TENM4: variants seen among roughly 807,000 people sequenced by gnomAD.
TENM4 encodes teneurin transmembrane protein 4, also known as teneurin-4.
A neutral mutation model predicts 243.3 loss-of-function variants in TENM4; 82 were observed. The ratio of observed to expected loss-of-function variants is 0.34; its 90% CI spans 0.28 to 0.40. The LOEUF is 0.40. Among genes scored for constraint, TENM4 ranks in the 10% least tolerant of loss-of-function variants. The probability of loss-of-function intolerance (pLI) is 1.00; values close to 1 mark genes in which losing one functional copy is unlikely to be tolerated. For missense variants in TENM4, 3,138 were observed against 3,673.3 expected, an observed-to-expected ratio of 0.85 and a Z score of 3.77; for synonymous variants, 1,412 against 1,456.3, an observed-to-expected ratio of 0.97 and a Z score of 0.69.
At chr11:79,343,690 A>G (rs1203212788) in intron 1 of TENM4, among the ~76,000 whole-genome samples, 3 of 152,154 alleles carry the variant, frequency 2.0e-5, no homozygotes, top group Non-Finnish European at 4.4e-5. Context: ...CCAGAACATT[A>G]TTTCCATCTC....
At chr11:79,183,326 T>C (rs1481926459) in intron 3 of TENM4, among the ~76,000 whole-genome samples, 1 of 152,158 alleles carries the variant, frequency 6.6e-6, no homozygotes, top group African/African-American at 2.4e-5. Flanking sequence ...CCTGCATTAT[T>C]CCCATTGACA....
At chr11:79,315,066 A>ACGC (rs1235450723) in intron 1 of TENM4, among the ~76,000 whole-genome samples, 35 of 152,220 alleles carry the variant, frequency 2.3e-4, no homozygotes, top group African/African-American at 7.7e-4. Context: ...GGCACAGATA[A>ACGC]CGCCTTGTTA....
rs563532593 is a variant in TENM4 at position 78,705,583 on chromosome 11, C to T, written c.4209+2778G>A. Reference sequence around the variant, plus strand: ...CTTGCAGCTCCCACGTTCTATGGTTCCAGTGTGGAATGGGACCCTCTTCCC... The same window carrying T: ...CTTGCAGCTCCCACGTTCTATGGTTTCAGTGTGGAATGGGACCCTCTTCCC... On this transcript the variant is annotated intron_variant, in intron 27 of 33. Coordinates refer to ENST00000278550, the MANE Select transcript of TENM4 (RefSeq NM_001098816.3). Among the ~76,000 whole-genome samples, 93 of 152,330 alleles carry T rather than the reference C, an allele frequency of 6.1e-4. 2 individuals carry two copies. Among genetic ancestry groups the T allele is most frequent in the African/African-American group, 2.2e-3 (93 of 41,574 alleles).
chr11:78,954,432 C>T (rs951483876), intron 6 of TENM4, among the ~76,000 whole-genome samples: 3 of 152,194 alleles, frequency 2.0e-5, no homozygotes, highest in Non-Finnish European at 4.4e-5. Flanking sequence ...TAAATAACAC[C>T]GAGTCACATG....
At chr11:78,984,974 G>A (rs1045776420) in intron 6 of TENM4, among the ~76,000 whole-genome samples, 4 of 152,140 alleles carry the variant, frequency 2.6e-5, no homozygotes, top group Non-Finnish European at 5.9e-5. Flanking sequence ...TGCTGCTGTA[G>A]TGCTAGCATG....
At chr11:78,926,405 C>T (rs971477826) in intron 6 of TENM4, among the ~76,000 whole-genome samples, 4 of 151,278 alleles carry the variant, frequency 2.6e-5, no homozygotes, top group African/African-American at 9.7e-5. Context: ...TCCTAAGTAG[C>T]TGGGATTACA....
In TENM4 at chr11:79,316,691, C is replaced by T. The variant is rs192924205; in HGVS notation, c.-320-19148G>A. On this transcript the variant is annotated intron_variant, in intron 1 of 33. Transcript: ENST00000278550. ...TATTTCTGATGGTTTGCTCCCCCAG[C>T]CCCAGGAGCAGTGGTAGAAGTGCAG... Among the ~76,000 whole-genome samples the T allele has an allele frequency of 5.5e-4, 84 of 152,278 alleles. 1 individual carries two copies. In the Middle Eastern group the frequency reaches 0.017, roughly 31 times the overall value.
chr11:78,969,567 T>C (rs1224470773), intron 6 of TENM4, among the ~76,000 whole-genome samples: 1 of 152,216 alleles, frequency 6.6e-6, no homozygotes, highest in Non-Finnish European at 1.5e-5. Context: ...AAATATACTT[T>C]TTAACACTTT....
intron 2 of TENM4, among the ~76,000 whole-genome samples, chr11:79,294,623 C>T (rs1856416833): frequency 6.6e-6 from 1 of 152,048 alleles, no homozygotes; most frequent in Non-Finnish European, 1.5e-5. Flanking sequence ...ATGAGGTGGG[C>T]AAATCATCTG....
At chr11:78,885,792 G>C (rs1372778513) in intron 9 of TENM4, among the ~76,000 whole-genome samples, 1 of 152,116 alleles carries the variant, frequency 6.6e-6, no homozygotes, top group Non-Finnish European at 1.5e-5. Context: ...AGGTGCAGTG[G>C]GGCACAACTG....
At chr11:79,146,509 A>G (rs1862397775) in intron 4 of TENM4, among the ~76,000 whole-genome samples, 1 of 152,074 alleles carries the variant, frequency 6.6e-6, no homozygotes, top group Non-Finnish European at 1.5e-5. Flanking sequence ...CAGGTACTAG[A>G]GGGTACGTTT....
chr11:79,235,492 C>T (rs979271967), intron 2 of TENM4, among the ~76,000 whole-genome samples: 5 of 152,010 alleles, frequency 3.3e-5, no homozygotes, highest in Non-Finnish European at 7.4e-5. Flanking sequence ...AGATAGGGAC[C>T]CTAGGACCTC....
chr11:79,388,565 G>A (rs769488564), intron 1 of TENM4, among the ~76,000 whole-genome samples: 15 of 152,104 alleles, frequency 9.9e-5, no homozygotes, highest in African/African-American at 1.9e-4. Context: ...TCCTTTGGGC[G>A]TAAGAGTGGG....
intron 6 of TENM4, among the ~76,000 whole-genome samples, chr11:78,974,594 C>T (rs887051226): frequency 9.9e-5 from 15 of 152,154 alleles, no homozygotes; most frequent in African/African-American, 3.4e-4. Flanking sequence ...AGAGTAAATG[C>T]ATAAAAGCAT....
intron 18 of TENM4, among the ~76,000 whole-genome samples, chr11:78,758,287 A>C (rs1420106317): frequency 6.6e-6 from 1 of 152,182 alleles, no homozygotes; most frequent in East Asian, 1.9e-4. Context: ...TTAAAACATA[A>C]CTGCTATACA....
chr11:78,669,872 A>T lies in TENM4; in HGVS notation c.6473T>A (p.Ile2158Asn). 1 of 1,613,784 alleles carries T rather than the reference A, an allele frequency of 6.2e-7. No homozygotes were observed. Among genetic ancestry groups the T allele is most frequent in the Non-Finnish European group, 8.5e-7 (1 of 1,179,830 alleles). The change falls in exon 32 of 34, where the codon ATC becomes AAC. Residue 2158 changes from isoleucine (I) to asparagine (N), a missense_variant. Transcript: ENST00000278550. This position sits in a 1 kb window ranked among gnomAD's most constrained non-coding sequence, Gnocchi z 6.4. ...CATCCAGTACATGAGCGAGCGGAAG[A>T]TCTCATACTGCACTTCCTTCATCCT... ...YGRMKEVQYE[I>N]FRSLMYWMTV...
chr11:79,038,594 G>A (rs190269612), intron 6 of TENM4, among the ~76,000 whole-genome samples: 1 of 152,274 alleles, frequency 6.6e-6, no homozygotes, highest in Non-Finnish European at 1.5e-5. Context: ...GGGAGGCTGA[G>A]CAACACACAG....
intron 1 of TENM4, among the ~76,000 whole-genome samples, chr11:79,376,843 G>A (rs1857902116): frequency 6.6e-6 from 1 of 152,162 alleles, no homozygotes; most frequent in South Asian, 2.1e-4. Flanking sequence ...CAGGATCTGT[G>A]CTTATTCTCT....
chr11:78,908,795 C>A (rs1856119654), intron 6 of TENM4, among the ~76,000 whole-genome samples: 1 of 152,244 alleles, frequency 6.6e-6, no homozygotes, highest in Non-Finnish European at 1.5e-5. Flanking sequence ...CAAATCCATA[C>A]CTCTCTGCCC....
Sources: gnomAD v4.1 joint callset for allele counts (sites outside exome capture counted in the v4.1 genomes callset) on GRCh38, gnomAD v4.1.1 for gene constraint, Gnocchi (gnomAD v3.1) non-coding constraint, MANE v1.5 for transcripts, NCBI Gene and HGNC (gene_info 2026-07-23, HGNC 2026-07-21) for gene names.